The following LRRC3B variants were observed in gnomAD, a reference collection of about 807,000 sequenced individuals.
LRRC3B encodes the protein leucine rich repeat containing 3B.
A neutral mutation model predicts 12.8 loss-of-function variants in LRRC3B; 2 were observed. That is an observed-to-expected ratio of 0.16 (90% CI 0.06 to 0.49). The LOEUF is 0.49. LRRC3B is among the 20% of genes least tolerant of loss of function. The pLI is 0.96. For synonymous variants in LRRC3B, 132 were observed against 122.0 expected, an observed-to-expected ratio of 1.08 and a Z score of -0.54; for missense variants, 189 against 319.4, an observed-to-expected ratio of 0.59 and a Z score of 3.11.
At chr3:26,645,583 A>C (rs1222956275) in intron 1 of LRRC3B, among the ~76,000 whole-genome samples, 4 of 152,002 alleles carry the variant, frequency 2.6e-5, no homozygotes, top group Non-Finnish European at 5.9e-5. Flanking sequence ...CACATGTATA[A>C]TTTTCATTCA....
intron 1 of LRRC3B, among the ~76,000 whole-genome samples, chr3:26,636,469 A>G (rs1032412245): frequency 4.6e-5 from 7 of 152,196 alleles, no homozygotes; most frequent in African/African-American, 1.7e-4. Flanking sequence ...ATCTTTATTC[A>G]TATCTGGATG....
chr3:26,630,965 T>G (rs1299096942), intron 1 of LRRC3B, among the ~76,000 whole-genome samples: 1 of 152,212 alleles, frequency 6.6e-6, no homozygotes, highest in African/African-American at 2.4e-5. Flanking sequence ...CTTCTAGCTG[T>G]GTTAGCACTT....
In LRRC3B at chr3:26,626,764, C is replaced by T. The variant is rs182919561; in HGVS notation, c.-161+3527C>T. Among the ~76,000 whole-genome samples, 272 of 152,198 alleles carry T rather than the reference C, an allele frequency of 1.8e-3. 3 individuals are homozygous for T. Among genetic ancestry groups the T allele is most frequent in the Non-Finnish European group, 1.0e-4 (7 of 68,006 alleles). On this transcript the variant is annotated intron_variant, in intron 1 of 1. Coordinates refer to ENST00000396641, the Ensembl canonical transcript of LRRC3B. ...CTCTTTTTGCAAAAATAAAACATTG[C>T]AGAATATTTGTAAGCCTTCAAATCA... is the stretch of plus-strand genomic sequence containing the variant.
chr3:26,705,418 TC>T (rs1700562629), intron 1 of LRRC3B, among the ~76,000 whole-genome samples: 1 of 151,660 alleles, frequency 6.6e-6, no homozygotes, highest in Non-Finnish European at 1.5e-5. Flanking sequence ...GTCCAGTGAG[TC>T]GAGATTTGCA....
intron 1 of LRRC3B, among the ~76,000 whole-genome samples, chr3:26,634,858 A>G (rs1698832575): frequency 6.6e-6 from 1 of 152,164 alleles, no homozygotes; most frequent in African/African-American, 2.4e-5. Context: ...AGCTTGCTTC[A>G]TTGGGCCTGG....
chr3:26,656,214 C>A (rs1364250191), intron 1 of LRRC3B, among the ~76,000 whole-genome samples: 1 of 152,210 alleles, frequency 6.6e-6, no homozygotes, highest in African/African-American at 2.4e-5. Flanking sequence ...CCCAAATGAG[C>A]TGACACGCAG....
At chr3:26,653,127 A>G (rs1413846095) in intron 1 of LRRC3B, among the ~76,000 whole-genome samples, 2 of 151,972 alleles carry the variant, frequency 1.3e-5, no homozygotes. Context: ...AATGAGTCAG[A>G]TATCAGGTAA....
At chr3:26,657,366 A>C (rs11720649) in intron 1 of LRRC3B, among the ~76,000 whole-genome samples, 62,155 of 151,956 alleles carry the variant, frequency 0.41, 13,253 homozygotes, top group Middle Eastern at 0.5. Flanking sequence ...GATTGATTGA[A>C]TTATACTTAT....
intron 1 of LRRC3B, among the ~76,000 whole-genome samples, chr3:26,660,125 C>T (rs929128245): frequency 6.6e-6 from 1 of 152,070 alleles, no homozygotes; most frequent in Non-Finnish European, 1.5e-5. Flanking sequence ...CATCCCTCCT[C>T]AGTCTAAGAT....
At chr3:26,703,172 A>G (rs1031152782) in intron 1 of LRRC3B, among the ~76,000 whole-genome samples, 2 of 152,162 alleles carry the variant, frequency 1.3e-5, no homozygotes, top group Non-Finnish European at 2.9e-5. Context: ...ATACACAGGA[A>G]TTAGACATAT....
At chr3:26,670,031 T>A (rs1191600317) in intron 1 of LRRC3B, among the ~76,000 whole-genome samples, 1 of 152,232 alleles carries the variant, frequency 6.6e-6, no homozygotes, top group Non-Finnish European at 1.5e-5. Context: ...GTATTAATAT[T>A]CCTGATGTTT....
chr3:26,651,703 A>T (rs1237598353), intron 1 of LRRC3B, among the ~76,000 whole-genome samples: 6 of 152,184 alleles, frequency 3.9e-5, no homozygotes. Context: ...AAAGAAGCTG[A>T]CCTTTCAATA....
intron 1 of LRRC3B, among the ~76,000 whole-genome samples, chr3:26,667,232 T>TAACA (rs1699625146): frequency 2.0e-5 from 3 of 151,778 alleles, no homozygotes; most frequent in South Asian, 4.2e-4. Flanking sequence ...TGAAAATCAC[T>TAACA]AACACTTGAT....
intron 1 of LRRC3B, among the ~76,000 whole-genome samples, chr3:26,708,509 T>C (rs1700662280): frequency 6.6e-6 from 1 of 152,166 alleles, no homozygotes; most frequent in South Asian, 2.1e-4. Flanking sequence ...TGACCTTGGG[T>C]AAGTAACCTC....
intron 1 of LRRC3B, among the ~76,000 whole-genome samples, chr3:26,701,949 A>G (rs541705095): frequency 5.3e-5 from 8 of 152,320 alleles, no homozygotes; most frequent in Non-Finnish European, 8.8e-5. Flanking sequence ...CAGTTTTACC[A>G]TCCTGCTAGA....
intron 1 of LRRC3B, among the ~76,000 whole-genome samples, chr3:26,643,145 G>A (rs1003831876): frequency 1.3e-5 from 2 of 152,144 alleles, no homozygotes; most frequent in African/African-American, 4.8e-5. Context: ...GATGAAGTTT[G>A]TGGAATACCC....
intron 1 of LRRC3B, among the ~76,000 whole-genome samples, chr3:26,635,043 T>TA: frequency 6.6e-6 from 1 of 152,324 alleles, no homozygotes; most frequent in Middle Eastern, 3.4e-3. Flanking sequence ...ATACCTAACT[T>TA]ACAGAAGCAC....
chr3:26,652,562 C>T (rs1699286816), intron 1 of LRRC3B, among the ~76,000 whole-genome samples: 1 of 152,154 alleles, frequency 6.6e-6, no homozygotes, highest in Non-Finnish European at 1.5e-5. Context: ...TGTAGGAATC[C>T]TTTAGTCTGC....
At chr3:26,678,113 A>G (rs1253961807) in intron 1 of LRRC3B, among the ~76,000 whole-genome samples, 1 of 152,082 alleles carries the variant, frequency 6.6e-6, no homozygotes, top group Non-Finnish European at 1.5e-5. Context: ...CACCACGTCC[A>G]ACCAACACTG....
Sources: gnomAD v4.1 joint callset for allele counts (sites outside exome capture counted in the v4.1 genomes callset) on GRCh38, gnomAD v4.1.1 for gene constraint, MANE v1.5 for transcripts, NCBI Gene and HGNC (gene_info 2026-07-23, HGNC 2026-07-21) for gene names.